The following ARVCF variants were observed in gnomAD, a reference collection of about 807,000 sequenced individuals.
The protein encoded by ARVCF is splicing regulator ARVCF.
A neutral mutation model predicts 90.9 loss-of-function variants in ARVCF; 66 were observed. The observed-to-expected ratio is 0.73, with a 90% CI of 0.60 to 0.89. The LOEUF is 0.89. ARVCF is among the 40% of genes least tolerant of loss of function. The pLI is 0.00. For missense variants in ARVCF, 1,469 were observed against 1,382.3 expected, an observed-to-expected ratio of 1.06 and a Z score of -1.00; for synonymous variants, 653 against 603.4, an observed-to-expected ratio of 1.08 and a Z score of -1.21.
chr22:19,978,811 G>A (rs1943309578), intron 7 of ARVCF, 86 bp downstream of exon 7: 1 of 1,476,040 alleles, frequency 6.8e-7, no homozygotes. Flanking sequence ...GCGCTCCTAA[G>A]CTCGCCGCCA....
chr22:19,972,599 A>T, intron 16 of ARVCF, 138 bp downstream of exon 16: 1 of 1,155,160 alleles, frequency 8.7e-7, no homozygotes, highest in Non-Finnish European at 1.2e-6. Flanking sequence ...AGTAGCCAAG[A>T]GGCAGAGGGC....
Position 19,970,476 on chromosome 22 carries a change from C to A in ARVCF, c.*280G>T. On this transcript the variant is annotated 3_prime_UTR_variant, in exon 20 of 20. Coordinates refer to ENST00000263207, the MANE Select transcript of ARVCF (RefSeq NM_001670.3). ...CCTGCCACCTCCCTGGGCCCTGCCC[C>A]AGCAGCCCAGTCGGCCTCCTCGGGC... The A allele has an allele frequency of 9.4e-7, 1 of 1,062,316 alleles. No individual in the cohort carries two copies. Among genetic ancestry groups the A allele is most frequent in the Non-Finnish European group, 1.1e-6 (1 of 874,280 alleles). 65.8% of individuals were successfully genotyped at this position (1,062,316 alleles called of 1,614,324 possible).
chr22:19,983,345 A>C (rs937838985), intron 3 of ARVCF, among the ~76,000 whole-genome samples: 11 of 152,114 alleles, frequency 7.2e-5, no homozygotes, highest in African/African-American at 2.7e-4. Context: ...CCAGAGGCAG[A>C]CTCTGCCCAT....
chr22:20,001,779 C>T (rs902634595), intron 2 of ARVCF, among the ~76,000 whole-genome samples: 1 of 151,860 alleles, frequency 6.6e-6, no homozygotes, highest in Non-Finnish European at 1.5e-5. Flanking sequence ...GCAACAAAAG[C>T]AAAACTTCAT....
Position 19,970,076 on chromosome 22 carries a change from C to T in ARVCF, c.*680G>A. 1.0e-6 allele frequency: 1 copy of T among 985,528 alleles called. No homozygotes were observed. Among genetic ancestry groups the T allele is most frequent in the Admixed American group, 6.1e-5 (1 of 16,284 alleles). 61.0% of individuals were successfully genotyped at this position (985,528 alleles called of 1,614,324 possible). Reference sequence around the variant, plus strand: ...CGAAGGTCAGTCCCGGAGGTGCTGCCCAGGCTCCAGGCAGATGCGGCAGCC... The same window carrying T: ...CGAAGGTCAGTCCCGGAGGTGCTGCTCAGGCTCCAGGCAGATGCGGCAGCC... On this transcript the variant is annotated 3_prime_UTR_variant, in exon 20 of 20. Coordinates refer to ENST00000263207, the MANE Select transcript of ARVCF (RefSeq NM_001670.3).
intron 2 of ARVCF, 42 bp from the exon 3 acceptor site, chr22:19,990,854 C>T (rs1191483570): frequency 6.6e-7 from 1 of 1,523,838 alleles, no homozygotes; most frequent in South Asian, 1.2e-5. Context: ...TGGGGCACAG[C>T]CTGGCAAGGC....
chr22:19,969,859 C>T (rs920814309), downstream of ARVCF: 16 of 985,318 alleles, frequency 1.6e-5, no homozygotes, highest in Non-Finnish European at 1.8e-5. Context: ...GAGAAGCCAG[C>T]CACTTGTGCC....
In ARVCF at chr22:19,990,629, T is replaced by C; in HGVS notation, c.166A>G (p.Ser56Gly). 3 of 1,610,066 alleles carry C rather than the reference T, an allele frequency of 1.9e-6. No homozygotes were observed. Among genetic ancestry groups the C allele is most frequent in the Non-Finnish European group, 2.5e-6 (3 of 1,178,970 alleles). The change falls in exon 3 of 20, where the codon AGT becomes GGT. Residue 56 changes from serine (S) to glycine (G), a missense_variant. Transcript: ENST00000263207. ...CAGGCCATTGGCAGGGGCTGCCCAC[T>C]GCCCATGCCACCACTGACCATGCCA... ...QPGMVSGGMG[S>G]GQPLPMAWQQ...
chr22:19,985,377 C>T (rs952802048), intron 3 of ARVCF, among the ~76,000 whole-genome samples: 1 of 152,202 alleles, frequency 6.6e-6, no homozygotes, highest in Non-Finnish European at 1.5e-5. Context: ...CCCATGAGCT[C>T]CCTTGGGCTT....
chr22:19,974,817 G>A (rs925800179), intron 11 of ARVCF, among the ~76,000 whole-genome samples: 9 of 152,134 alleles, frequency 5.9e-5, no homozygotes, highest in African/African-American at 2.2e-4. Context: ...CTAGCAACAG[G>A]AGGCACTCTT....
chr22:19,997,838 C>T (rs1203055220), intron 2 of ARVCF, among the ~76,000 whole-genome samples: 3 of 152,214 alleles, frequency 2.0e-5, no homozygotes, highest in African/African-American at 4.8e-5. Flanking sequence ...ACATTGGTGG[C>T]GGTGGCTGGC....
In ARVCF at chr22:19,972,369, G is replaced by A. The variant is rs1016345751; in HGVS notation, c.2684C>T (p.Ala895Val). 3.7e-6 allele frequency: 6 copies of A among 1,613,678 alleles called. No individual in the cohort carries two copies. The highest frequency in any genetic ancestry group is 5.1e-6 in the Non-Finnish European group (6 of 1,179,982). The change falls in exon 17 of 20, where the codon GCG (alanine) becomes GTG (valine). Residue 895 changes from alanine to valine, a missense_variant. Ala to Val is a moderately conservative substitution (Grantham distance 64). Transcript: ENST00000263207. Reference protein sequence around the residue: ...TGSRDVIPMDALGPDGYSTVD... With the variant: ...TGSRDVIPMDVLGPDGYSTVD... ...GCATCTGCACTCACCTGGGCCCAGC[G>A]CATCCATGGGGATCACATCCCGGCT... is the stretch of plus-strand genomic sequence containing the variant.
chr22:20,002,367 C>T (rs2073741), intron 2 of ARVCF, among the ~76,000 whole-genome samples: 45,530 of 152,094 alleles, frequency 0.3, 8,337 homozygotes, highest in African/African-American at 0.51. Context: ...GCATACTGTC[C>T]CTCTGTAAAT....
chr22:19,987,002 G>C (rs973310540), intron 3 of ARVCF: 6 of 641,278 alleles, frequency 9.4e-6, no homozygotes, highest in Middle Eastern at 2.4e-4. Flanking sequence ...GGGTCCTCCC[G>C]GGCAGGCCGA....
chr22:20,004,484 CAAAAA>C (rs796141193), intron 2 of ARVCF, among the ~76,000 whole-genome samples: 19 of 111,178 alleles, frequency 1.7e-4, no homozygotes, highest in African/African-American at 2.2e-4. Flanking sequence ...CAAGACCTGT[CAAAAA>C]AAAAAAAGAA....
At chr22:19,984,497 AC>A (rs1943661491) in intron 3 of ARVCF, among the ~76,000 whole-genome samples, 1 of 152,174 alleles carries the variant, frequency 6.6e-6, no homozygotes, top group African/African-American at 2.4e-5. Context: ...GGATGACTTC[AC>A]CCGGGTGGCA....
At chr22:19,974,267 G>A (rs1943023540) in intron 11 of ARVCF, 28 bp from the exon 12 acceptor site, 2 of 1,581,334 alleles carry the variant, frequency 1.3e-6, no homozygotes, top group Non-Finnish European at 1.7e-6. Flanking sequence ...GCCACCCACG[G>A]TCACCCAGAA....
rs760578018 is a variant in ARVCF at position 19,980,262 on chromosome 22, G to A, written c.897-20C>T. ...TAGGCCCTGCACAGGCAAGTGGGGCGCGTGGACATCGTCACAGCAGCCGCC... is the reference window on the plus strand; with the variant it reads ...TAGGCCCTGCACAGGCAAGTGGGGCACGTGGACATCGTCACAGCAGCCGCC... On this transcript the variant is annotated intron_variant, in intron 5 of 19. Coordinates refer to ENST00000263207, the MANE Select transcript of ARVCF (RefSeq NM_001670.3). 13 of 1,499,390 alleles carry A rather than the reference G, an allele frequency of 8.7e-6. No homozygotes were observed. Among genetic ancestry groups the A allele is most frequent in the South Asian group, 5.3e-5 (4 of 75,448 alleles). The allele number at this position is 1,499,390 out of a possible 1,614,324, so 92.9% of individuals were successfully genotyped here.
rs2146225640 is a variant in ARVCF, at chr22:19,971,924, T to A, written c.2743A>T (p.Ser915Cys). 6.2e-7 allele frequency: 1 copy of A among 1,613,066 alleles called. No individual in the cohort carries two copies. The highest frequency in any genetic ancestry group is 2.2e-5 in the East Asian group (1 of 44,888). ...DRRERRPRGA[S>C]SAGEASEKEP... ...TTCTCAGAGGCCTCTCCTGCAGAGC[T>A]GGCGCCCCGTGGCCTCCGCTCCCTC... is the stretch of plus-strand genomic sequence containing the variant. The change falls in exon 18 of 20, where the codon AGC becomes TGC. Residue 915 changes from serine to cysteine, a missense_variant. Coordinates refer to ENST00000263207, the MANE Select transcript of ARVCF (RefSeq NM_001670.3).
Sources: allele counts gnomAD v4.1 joint callset (sites outside exome capture counted in the v4.1 genomes callset), GRCh38; gene constraint gnomAD v4.1.1; transcripts MANE v1.5; gene names NCBI Gene and HGNC (gene_info 2026-07-23, HGNC 2026-07-21).